DDX6: variants seen among roughly 807,000 people sequenced by gnomAD.
The protein encoded by DDX6 is probable ATP-dependent RNA helicase DDX6.
In DDX6, 7 loss-of-function variants were observed where a neutral mutation model predicts 60.6. That is an observed-to-expected ratio of 0.12 (90% CI 0.07 to 0.22). The LOEUF is 0.22. DDX6 is among the 10% of genes least tolerant of loss of function. The pLI, the probability that DDX6 is intolerant of heterozygous loss-of-function variation, is 1.00. For synonymous variants in DDX6, 207 were observed against 201.0 expected, an observed-to-expected ratio of 1.03 and a Z score of -0.25; for missense variants, 270 against 589.9, an observed-to-expected ratio of 0.46 and a Z score of 5.62.
Position 118,749,227 on chromosome 11 carries a change from G to A in DDX6, c.*2878C>T, listed in dbSNP as rs1348878393. 6.6e-6 allele frequency: 1 copy of A among 151,050 alleles called. No individual in the cohort carries two copies. Among genetic ancestry groups the A allele is most frequent in the Admixed American group, 6.6e-5 (1 of 15,158 alleles). 9.4% of individuals were successfully genotyped at this position (151,050 alleles called of 1,614,324 possible). On this transcript the variant is annotated 3_prime_UTR_variant, in exon 14 of 14. Coordinates refer to ENST00000534980, the MANE Select transcript of DDX6 (RefSeq NM_004397.6). The stretch of plus-strand genomic sequence containing the variant: ...TGTAGTTTTAATATTAAAAATAGAG[G>A]GTAGTTCTCATCCAAATGAGCCACT...
intron 7 of DDX6, among the ~76,000 whole-genome samples, chr11:118,760,488 G>C (rs1861126537): frequency 6.6e-6 from 1 of 152,138 alleles, no homozygotes; most frequent in Non-Finnish European, 1.5e-5. Flanking sequence ...ATTTTAATGT[G>C]ATGATTCTCA....
In DDX6 at chr11:118,751,814, TTTC is replaced by T; in HGVS notation, c.*288_*290del. ...TTTTAGGGTTTCTCCCCTTCTCTTC[TTTC>T]TTTTCCTTCCTTGTCCCCTTTCCCC... is the stretch of plus-strand genomic sequence containing the variant. On this transcript the variant is annotated 3_prime_UTR_variant, in exon 14 of 14. Transcript: ENST00000534980. 1 of 394,760 alleles carries T rather than the reference TTTC, an allele frequency of 2.5e-6. No homozygotes were observed. Among genetic ancestry groups the T allele is most frequent in the South Asian group, 1.9e-5 (1 of 53,002 alleles). The allele number at this position is 394,760 out of a possible 1,614,324, so 24.5% of individuals were successfully genotyped here.
At chr11:118,752,663 AAGAT>A (rs1860816415) in intron 13 of DDX6, among the ~76,000 whole-genome samples, 1 of 152,216 alleles carries the variant, frequency 6.6e-6, no homozygotes, top group Non-Finnish European at 1.5e-5. Context: ...TTAAATAGGT[AAGAT>A]GTTCACCTAT....
chr11:118,768,262 A>G lies in DDX6; in HGVS notation c.460T>C (p.Leu154=), dbSNP rs1555161676. The G allele has an allele frequency of 1.2e-6, 2 of 1,613,738 alleles. No homozygotes were observed. Among genetic ancestry groups the G allele is most frequent in the Non-Finnish European group, 1.7e-6 (2 of 1,179,888 alleles). The change falls in exon 5 of 14, where the codon TTA becomes CTA. Residue 154 remains leucine (L), a synonymous_variant. Coordinates refer to ENST00000534980, the MANE Select transcript of DDX6 (RefSeq NM_004397.6). ...TGKSGAYLIP[L]LERLDLKKDN... is the part of the protein sequence containing the mutation. ...TTCTTCAGGTCTAGCCGTTCAAGTA[A>G]GGGAATGAGGTAGGCACCGCTCTTG...
At chr11:118,771,450 A>T (rs1388319012) in intron 4 of DDX6, among the ~76,000 whole-genome samples, 1 of 152,214 alleles carries the variant, frequency 6.6e-6, no homozygotes, top group African/African-American at 2.4e-5. Context: ...AGACACCCTG[A>T]TATTTTGCCT....
Position 118,748,503 on chromosome 11 carries a change from C to A in DDX6, c.*3602G>T, listed in dbSNP as rs1860636734. 1 of 152,124 alleles carries A rather than the reference C, an allele frequency of 6.6e-6. No homozygotes were observed. The highest frequency in any genetic ancestry group is 1.9e-4 in the East Asian group (1 of 5,186). The allele number at this position is 152,124 out of a possible 1,614,324, so 9.4% of individuals were successfully genotyped here. A position where few individuals can be genotyped will look rare whatever the true frequency, so the allele number is the denominator to read the frequency against. The stretch of plus-strand genomic sequence containing the variant: ...AGGCCAATAATTTTGATAAAGGTAT[C>A]TGGCAGGAAAATGATTCCACAATAA... On this transcript the variant is annotated 3_prime_UTR_variant, in exon 14 of 14. Coordinates refer to ENST00000534980, the MANE Select transcript of DDX6 (RefSeq NM_004397.6).
chr11:118,774,796 C>T (rs568164868), intron 4 of DDX6, among the ~76,000 whole-genome samples: 69 of 152,102 alleles, frequency 4.5e-4, no homozygotes, highest in African/African-American at 1.6e-3. Flanking sequence ...AGAAGACTCA[C>T]CCATCTAATC....
Position 118,786,201 on chromosome 11 carries a change from T to G in DDX6, c.51A>C (p.Gln17His). The G allele has an allele frequency of 6.2e-7, 1 of 1,613,952 alleles. No individual in the cohort carries two copies. The highest frequency in any genetic ancestry group is 8.5e-7 in the Non-Finnish European group (1 of 1,179,868). ...TCACAGGGCCTCTCAGCTGACCATT[T>G]TGACTGGACAGACCCATTATAACAG... ...ENPVIMGLSSQNGQLRGPVKP... is the reference protein window; with the variant it reads ...ENPVIMGLSSHNGQLRGPVKP... The change falls in exon 2 of 14, where the codon CAA (glutamine) becomes CAC (histidine). Residue 17 changes from glutamine (Q) to histidine (H), a missense_variant. This residue lies in a region of DDX6 where 102 missense variants were observed against 110.5 expected (regional missense o/e 0.92). Coordinates refer to ENST00000534980, the MANE Select transcript of DDX6 (RefSeq NM_004397.6).
chr11:118,749,132 G>C lies in DDX6; in HGVS notation c.*2973C>G, dbSNP rs1344014968. 1 of 151,906 alleles carries C rather than the reference G, an allele frequency of 6.6e-6. No individual in the cohort carries two copies. The highest frequency in any genetic ancestry group is 1.5e-5 in the Non-Finnish European group (1 of 67,980). The allele number at this position is 151,906 out of a possible 1,614,324, so 9.4% of individuals were successfully genotyped here. On this transcript the variant is annotated 3_prime_UTR_variant, in exon 14 of 14. Coordinates refer to ENST00000534980, the MANE Select transcript of DDX6 (RefSeq NM_004397.6). ...GGAAAGAAAAAACATAGGCCTAGAG[G>C]TGGTAAGGTGTGTAACAGTCCATAG...
intron 4 of DDX6, among the ~76,000 whole-genome samples, chr11:118,769,212 T>C (rs1420376773): frequency 6.6e-6 from 1 of 151,976 alleles, no homozygotes. Context: ...TTGACCACAG[T>C]GAAAAATTGT....
At chr11:118,765,685 G>C (rs554770357) in intron 5 of DDX6, among the ~76,000 whole-genome samples, 242 of 152,188 alleles carry the variant, frequency 1.6e-3, no homozygotes, top group Admixed American at 2.7e-3. Context: ...TGAGGCAGGA[G>C]AATCACTTGA....
rs201147561 is a variant in DDX6, at chr11:118,756,020, C to CA, written c.1174+239_1174+240insT. Among the ~76,000 whole-genome samples the CA allele has an allele frequency of 1.9e-4, 9 of 47,782 alleles. No individual in the cohort carries two copies. In the East Asian group the frequency reaches 4.6e-3, roughly 24 times the overall value. 31.3% of individuals were successfully genotyped at this position (47,782 alleles called of 152,430 possible). On this transcript the variant is annotated intron_variant, in intron 11 of 13. Transcript: ENST00000534980. Reference sequence around the variant, plus strand: ...GTGACAAAGATTCCATCCCCCTCCCCCCCCCCCCCAAAAAAAAGACAGAGA... The same window carrying CA: ...GTGACAAAGATTCCATCCCCCTCCCCACCCCCCCCCAAAAAAAAGACAGAGA...
At chr11:118,765,659 C>CA (rs1861326808) in intron 5 of DDX6, among the ~76,000 whole-genome samples, 1 of 152,118 alleles carries the variant, frequency 6.6e-6, no homozygotes, top group Non-Finnish European at 1.5e-5. Flanking sequence ...CCTGTAGTCC[C>CA]ACCTACTCAG....
chr11:118,786,294 A>T lies in DDX6; in HGVS notation c.-43T>A. 6.5e-7 allele frequency: 1 copy of T among 1,539,376 alleles called. No individual in the cohort carries two copies. Among genetic ancestry groups the T allele is most frequent in the Non-Finnish European group, 8.8e-7 (1 of 1,132,300 alleles). Reference sequence around the variant, plus strand: ...GGTCTTTCAAACTTCAAAACTTTTGAAAGTCAGTAGAGAAACTGTAATAAC... The same window carrying T: ...GGTCTTTCAAACTTCAAAACTTTTGTAAGTCAGTAGAGAAACTGTAATAAC... On this transcript the variant is annotated 5_prime_UTR_variant, in exon 2 of 14. Coordinates refer to ENST00000534980, the MANE Select transcript of DDX6 (RefSeq NM_004397.6).
chr11:118,762,017 G>C (rs950495124), intron 7 of DDX6, among the ~76,000 whole-genome samples: 3 of 152,260 alleles, frequency 2.0e-5, no homozygotes, highest in Admixed American at 1.3e-4. Flanking sequence ...GCTCATGCCT[G>C]TAATCCCAGC....
chr11:118,754,656 G>T (rs554519911), intron 13 of DDX6, 49 bp downstream of exon 13: 5 of 1,505,580 alleles, frequency 3.3e-6, no homozygotes, highest in South Asian at 1.3e-5. Flanking sequence ...AGAAGATTTT[G>T]ATTTCCCTCA....
intron 6 of DDX6, among the ~76,000 whole-genome samples, chr11:118,764,424 G>A (rs1227836704): frequency 4.4e-3 from 1 of 226 alleles, no homozygotes; most frequent in African/African-American, 0.017. Flanking sequence ...CAATTTTTCG[G>A]CACGACAATA....
intron 13 of DDX6, among the ~76,000 whole-genome samples, chr11:118,753,503 C>A (rs1199698316): frequency 6.6e-6 from 1 of 151,472 alleles, no homozygotes; most frequent in Non-Finnish European, 1.5e-5. Flanking sequence ...CCATGCCCGG[C>A]TAATTTTTGT....
intron 13 of DDX6, among the ~76,000 whole-genome samples, chr11:118,753,077 C>T (rs1344745271): frequency 1.3e-5 from 2 of 152,162 alleles, no homozygotes; most frequent in Admixed American, 6.6e-5. Flanking sequence ...CGCCCAGGCT[C>T]GAGTGCAATG....
Sources: gnomAD v4.1 joint callset for allele counts (sites outside exome capture counted in the v4.1 genomes callset) on GRCh38, gnomAD v4.1.1 for gene constraint, gnomAD v4.1.1 regional missense constraint, MANE v1.5 for transcripts, NCBI Gene and HGNC (gene_info 2026-07-23, HGNC 2026-07-21) for gene names.